Variants in FOXO1 observed in about 807,000 individuals in gnomAD.
FOXO1 encodes the protein forkhead box protein O1.
A neutral mutation model predicts 44.1 loss-of-function variants in FOXO1; 6 were observed. That is an observed-to-expected ratio of 0.14 (90% CI 0.07 to 0.27). The LOEUF is 0.27. Ranked by LOEUF, FOXO1 falls within the 10% of genes least tolerant of loss-of-function variation. FOXO1 has a pLI of 1.00. For missense variants in FOXO1, 737 were observed against 888.8 expected (o/e 0.83, Z 2.17); for synonymous variants, 380 against 362.7 (o/e 1.05, Z -0.54).
rs987724632 is a variant in FOXO1 at position 40,666,604 on chromosome 13, G to A, written c.-392C>T. ...TGTTGAATGTGGCGGCTGCGGCAGC[G>A]GCTGCTGCGACTACCAGGCCGCCCG... On this transcript the variant is annotated 5_prime_UTR_variant, in exon 1 of 3. Coordinates refer to ENST00000379561, the MANE Select transcript of FOXO1 (RefSeq NM_002015.4). 2 of 196,294 alleles carry A rather than the reference G, an allele frequency of 1.0e-5. No individual in the cohort carries two copies. Among genetic ancestry groups the A allele is most frequent in the Non-Finnish European group, 2.1e-5 (2 of 94,796 alleles). The allele number at this position is 196,294 out of a possible 1,614,324, so 12.2% of individuals were successfully genotyped here.
intron 1 of FOXO1, among the ~76,000 whole-genome samples, chr13:40,650,275 T>C (rs981204724): frequency 1.3e-5 from 2 of 152,204 alleles, no homozygotes; most frequent in Non-Finnish European, 2.9e-5. Context: ...TGGTGGGTTT[T>C]AGCTGGCTTC....
chr13:40,623,436 T>C (rs1293962691), intron 1 of FOXO1, among the ~76,000 whole-genome samples: 4 of 152,182 alleles, frequency 2.6e-5, no homozygotes, highest in African/African-American at 9.7e-5. Context: ...AAATAAGCAA[T>C]AAAATCAACA....
At chr13:40,638,624 T>C (rs529130047) in intron 1 of FOXO1, among the ~76,000 whole-genome samples, 40 of 151,990 alleles carry the variant, frequency 2.6e-4, no homozygotes, top group African/African-American at 7.0e-4. Flanking sequence ...TCCCATTCAA[T>C]TGGGGAGGAA....
Position 40,559,852 on chromosome 13 carries a change from G to A in FOXO1, c.1639C>T (p.Pro547Ser). Residue 547 changes from proline (P) to serine (S), a missense_variant, in exon 2 of 3, where the codon CCC becomes TCC. Physicochemically the swap from Pro to Ser is moderately conservative, Grantham distance 74. Transcript: ENST00000379561. ...RPLPHTVSTM[P>S]HTSGMNRLTQ... ...AGGCGGTTCATACCCGAGGTGTGGG[G>A]CATGGTGCTTACCGTGTGGGGCAGG... The A allele has an allele frequency of 6.2e-7, 1 of 1,614,114 alleles. No homozygotes were observed. Among genetic ancestry groups the A allele is most frequent in the Non-Finnish European group, 8.5e-7 (1 of 1,180,000 alleles).
At chr13:40,603,790 A>T (rs1875896799) in intron 1 of FOXO1, among the ~76,000 whole-genome samples, 2 of 152,230 alleles carry the variant, frequency 1.3e-5, no homozygotes. Context: ...TTTCCTAAAG[A>T]TAATTATTTT....
At chr13:40,610,313 A>G (rs775924798) in intron 1 of FOXO1, among the ~76,000 whole-genome samples, 5 of 152,204 alleles carry the variant, frequency 3.3e-5, no homozygotes, top group Non-Finnish European at 7.3e-5. Context: ...GCATCTGTCT[A>G]TTTGGCACCA....
chr13:40,611,418 A>G (rs1477487252), intron 1 of FOXO1, among the ~76,000 whole-genome samples: 1 of 152,238 alleles, frequency 6.6e-6, no homozygotes, highest in Non-Finnish European at 1.5e-5. Flanking sequence ...TGACCAATAA[A>G]TTTAGAATCA....
chr13:40,614,702 T>C (rs1876359710), intron 1 of FOXO1, among the ~76,000 whole-genome samples: 1 of 152,044 alleles, frequency 6.6e-6, no homozygotes, highest in African/African-American at 2.4e-5. Flanking sequence ...CTTAGACTAT[T>C]TAAACAAATG....
At chr13:40,654,371 GGC>G (rs1877787310) in intron 1 of FOXO1, among the ~76,000 whole-genome samples, 1 of 147,128 alleles carries the variant, frequency 6.8e-6, no homozygotes, top group Admixed American at 6.7e-5. Context: ...GCGTGGTGGT[GGC>G]CGCCTGTAAT....
chr13:40,637,505 C>G (rs2137919241), intron 1 of FOXO1, among the ~76,000 whole-genome samples: 1 of 150,504 alleles, frequency 6.6e-6, no homozygotes, highest in African/African-American at 2.4e-5. Flanking sequence ...CACCCTCAAC[C>G]TTACGTCTTC....
At chr13:40,652,349 G>T (rs529622477) in intron 1 of FOXO1, among the ~76,000 whole-genome samples, 1 of 147,496 alleles carries the variant, frequency 6.8e-6, no homozygotes, top group South Asian at 2.1e-4. Flanking sequence ...GTAGCGGCAA[G>T]ATCTCCGCTC....
intron 1 of FOXO1, chr13:40,619,972 T>C: frequency 5.8e-6 from 4 of 687,908 alleles, no homozygotes; most frequent in East Asian, 2.6e-5. Flanking sequence ...TAGCCGAAGC[T>C]GTTCACCAAT....
intron 1 of FOXO1, among the ~76,000 whole-genome samples, chr13:40,653,845 C>G (rs1877764901): frequency 6.6e-6 from 1 of 152,240 alleles, no homozygotes; most frequent in South Asian, 2.1e-4. Flanking sequence ...GGGGAAACCA[C>G]GGTTTTAAAC....
chr13:40,608,637 C>G, intron 1 of FOXO1, among the ~76,000 whole-genome samples: 1 of 152,136 alleles, frequency 6.6e-6, no homozygotes, highest in East Asian at 1.9e-4. Context: ...TCACCTTATT[C>G]TTTTTCTATT....
intron 1 of FOXO1, among the ~76,000 whole-genome samples, chr13:40,572,420 G>C (rs1369990955): frequency 6.6e-6 from 1 of 151,054 alleles, no homozygotes; most frequent in Non-Finnish European, 1.5e-5. Context: ...TCTATTTTGG[G>C]ACCTAGATAT....
chr13:40,636,212 CA>C (rs113672172), intron 1 of FOXO1, among the ~76,000 whole-genome samples: 5 of 143,858 alleles, frequency 3.5e-5, no homozygotes, highest in Admixed American at 1.4e-4. Flanking sequence ...GAGATTCCAT[CA>C]AAAAAAAAAC....
chr13:40,611,251 A>G (rs1035519102), intron 1 of FOXO1: 1 of 312,862 alleles, frequency 3.2e-6, no homozygotes, highest in Non-Finnish European at 6.3e-6. Flanking sequence ...CCATGTCAGA[A>G]TGCAATCTTA....
chr13:40,588,550 G>C (rs1183259581), intron 1 of FOXO1, among the ~76,000 whole-genome samples: 1 of 152,090 alleles, frequency 6.6e-6, no homozygotes, highest in African/African-American at 2.4e-5. Flanking sequence ...AAGATTTTGG[G>C]GGGGACATTT....
At chr13:40,653,058 C>T (rs1877737714) in intron 1 of FOXO1, among the ~76,000 whole-genome samples, 1 of 152,118 alleles carries the variant, frequency 6.6e-6, no homozygotes, top group African/African-American at 2.4e-5. Flanking sequence ...TAACCTCCAC[C>T]TCCTGGGTTC....
Sources: allele counts gnomAD v4.1 joint callset (sites outside exome capture counted in the v4.1 genomes callset), GRCh38; gene constraint gnomAD v4.1.1; transcripts MANE v1.5; gene names NCBI Gene and HGNC (gene_info 2026-07-23, HGNC 2026-07-21).